The following SMCHD1 variants were observed in gnomAD, a reference collection of about 807,000 sequenced individuals.
The protein encoded by SMCHD1 is structural maintenance of chromosomes flexible hinge domain containing 1.
A neutral mutation model predicts 254.7 loss-of-function variants in SMCHD1; 78 were observed. The observed-to-expected ratio is 0.31, with a 90% CI of 0.26 to 0.37. The LOEUF (loss-of-function observed/expected upper bound fraction) is 0.37, where lower values mean the gene tolerates loss of function less well. Ranked by LOEUF, SMCHD1 falls within the 10% of genes least tolerant of loss-of-function variation. The pLI is 1.00. For synonymous variants in SMCHD1, 766 were observed against 794.9 expected (o/e 0.96, Z 0.61); for missense variants, 1,840 against 2,408.1 (o/e 0.76, Z 4.94).
intron 25 of SMCHD1, among the ~76,000 whole-genome samples, chr18:2,737,234 G>A (rs1308995524): frequency 6.6e-6 from 1 of 151,972 alleles, no homozygotes; most frequent in Admixed American, 6.6e-5. Flanking sequence ...AAAAGGGGAG[G>A]GTAATAGAGG....
At chr18:2,783,242 A>G (rs1487360618) in intron 44 of SMCHD1, among the ~76,000 whole-genome samples, 3 of 152,082 alleles carry the variant, frequency 2.0e-5, no homozygotes, top group Admixed American at 6.6e-5. Context: ...ATCTGTTACT[A>G]TTTTTTCCTG....
intron 17 of SMCHD1, among the ~76,000 whole-genome samples, chr18:2,710,091 TA>T (rs1243378358): frequency 5.9e-5 from 9 of 152,222 alleles, no homozygotes; most frequent in African/African-American, 2.2e-4. Flanking sequence ...AACTTCTTTT[TA>T]TATGGAAAAC....
At chr18:2,784,973 G>C (rs986405237) in intron 45 of SMCHD1, 12 of 366,300 alleles carry the variant, frequency 3.3e-5, no homozygotes, top group Non-Finnish European at 5.7e-5. Flanking sequence ...AGAAATTTCT[G>C]TCATTATTGA....
chr18:2,726,118 A>G (rs1453051542), intron 21 of SMCHD1, among the ~76,000 whole-genome samples: 1 of 151,900 alleles, frequency 6.6e-6, no homozygotes, highest in East Asian at 1.9e-4. Context: ...GTTTTATAAT[A>G]TCTATCTTGA....
chr18:2,678,542 C>T (rs1183634947), intron 5 of SMCHD1, among the ~76,000 whole-genome samples: 5 of 152,134 alleles, frequency 3.3e-5, no homozygotes, highest in African/African-American at 1.2e-4. Flanking sequence ...GTCTCGAACT[C>T]CTGACCTTAG....
Position 2,775,788 on chromosome 18 carries a change from C to G in SMCHD1, c.5230C>G (p.His1744Asp). Residue 1744 changes from histidine (H) to aspartate (D), a missense_variant, in exon 42 of 48, where the codon CAT (histidine) becomes GAT (aspartate). Physicochemically the swap from His to Asp is moderately conservative, Grantham distance 81 (BLOSUM62 -1). This residue lies in a region of SMCHD1 where 114 missense variants were observed against 217.6 expected (regional missense o/e 0.52). Transcript: ENST00000320876. The part of the protein sequence containing the change: ...DDRAAMVISW[H>D]LASDMDCVVT... Reference sequence around the variant, plus strand: ...TAGAGCTGCGATGGTTATTTCTTGGCATCTGGCAAGTGACATGGACTGTGT... The same window carrying G: ...TAGAGCTGCGATGGTTATTTCTTGGGATCTGGCAAGTGACATGGACTGTGT... 6.2e-7 allele frequency: 1 copy of G among 1,613,530 alleles called. No homozygotes were observed. The highest frequency in any genetic ancestry group is 8.5e-7 in the Non-Finnish European group (1 of 1,179,694).
intron 1 of SMCHD1, among the ~76,000 whole-genome samples, chr18:2,665,866 T>A (rs1257889480): frequency 6.6e-6 from 1 of 152,182 alleles, no homozygotes; most frequent in Non-Finnish European, 1.5e-5. Context: ...TCTGGGTGGG[T>A]CCTGCTGATG....
intron 5 of SMCHD1, among the ~76,000 whole-genome samples, chr18:2,677,476 A>G (rs1383245168): frequency 5.9e-5 from 9 of 152,190 alleles, no homozygotes; most frequent in African/African-American, 1.9e-4. Context: ...TAAAATTCAC[A>G]GTATTAAAGC....
chr18:2,688,589 A>G, intron 6 of SMCHD1, 39 bp from the exon 7 acceptor site: 1 of 1,576,322 alleles, frequency 6.3e-7, no homozygotes, highest in Non-Finnish European at 8.6e-7. Context: ...TAACCAGTTT[A>G]TTAGGAATTT....
intron 37 of SMCHD1, among the ~76,000 whole-genome samples, chr18:2,765,996 G>GTTTTCTTTTTTTTTTTTTTTTTTTTT (rs377381607): frequency 7.1e-6 from 1 of 140,680 alleles, no homozygotes; most frequent in Non-Finnish European, 1.6e-5. Context: ...GCTATGTCCA[G>GTTTTCTTTTTTTTTTTTTTTTTTTTT]TTTTCTTTTT....
At chr18:2,798,426 A>T (rs1255383771) in intron 47 of SMCHD1, among the ~76,000 whole-genome samples, 1 of 152,196 alleles carries the variant, frequency 6.6e-6, no homozygotes, top group Non-Finnish European at 1.5e-5. Context: ...TTTAGAAATT[A>T]TGAGTTCAAA....
At chr18:2,748,342 T>TGTGTGTG (rs2075498296) in intron 30 of SMCHD1, among the ~76,000 whole-genome samples, 1 of 78,426 alleles carries the variant, frequency 1.3e-5, no homozygotes, top group Non-Finnish European at 2.5e-5. Context: ...CTTTGCAAAG[T>TGTGTGTG]TGTGTGTGTG....
At chr18:2,736,479 A>G (rs575319258) in intron 25 of SMCHD1, among the ~76,000 whole-genome samples, 7 of 152,210 alleles carry the variant, frequency 4.6e-5, no homozygotes, top group Non-Finnish European at 1.0e-4. Context: ...AGCCTACAGA[A>G]TGGTAAAAAA....
At chr18:2,714,848 C>T (rs1469434685) in intron 17 of SMCHD1, among the ~76,000 whole-genome samples, 3 of 151,992 alleles carry the variant, frequency 2.0e-5, no homozygotes, top group African/African-American at 7.2e-5. Flanking sequence ...GACAGTCCCC[C>T]CTGCCCCCTA....
intron 5 of SMCHD1, among the ~76,000 whole-genome samples, chr18:2,684,122 A>G (rs994377520): frequency 6.6e-6 from 1 of 152,184 alleles, no homozygotes; most frequent in African/African-American, 2.4e-5. Flanking sequence ...CAGCAAGACT[A>G]TCTTTGGAGT....
chr18:2,758,073 T>G (rs12458120), intron 34 of SMCHD1, among the ~76,000 whole-genome samples: 45,358 of 151,830 alleles, frequency 0.3, 6,956 homozygotes, highest in East Asian at 0.5. Context: ...TAGATAGATA[T>G]ATTCTTTTAA....
At chr18:2,668,599 A>G (rs796856530) in intron 3 of SMCHD1, among the ~76,000 whole-genome samples, 47 of 152,306 alleles carry the variant, frequency 3.1e-4, no homozygotes, top group African/African-American at 1.1e-3. Flanking sequence ...TCTTAAAAAC[A>G]CTAAAGTCTT....
In SMCHD1 at chr18:2,782,037, A is replaced by G. The variant is rs1406615246; in HGVS notation, c.5548-2413A>G. Among the ~76,000 whole-genome samples, 4 of 152,240 alleles carry G rather than the reference A, an allele frequency of 2.6e-5. No individual in the cohort carries two copies. The South Asian group carries it at 6.2e-4, about 24-fold the overall frequency. ...GTAGCACATACGTGACAAAAAAGGAATAGAATTTGTTCTTCATAATTGATA... is the reference window on the plus strand; with the variant it reads ...GTAGCACATACGTGACAAAAAAGGAGTAGAATTTGTTCTTCATAATTGATA... On this transcript the variant is annotated intron_variant, in intron 44 of 47. Coordinates refer to ENST00000320876, the MANE Select transcript of SMCHD1 (RefSeq NM_015295.3).
At chr18:2,783,510 A>G (rs1324975931) in intron 44 of SMCHD1, among the ~76,000 whole-genome samples, 2 of 151,908 alleles carry the variant, frequency 1.3e-5, no homozygotes, top group South Asian at 2.1e-4. Flanking sequence ...TTGCAAGAAC[A>G]TTCTTCTAGA....
Sources: gnomAD v4.1 joint callset for allele counts (sites outside exome capture counted in the v4.1 genomes callset) on GRCh38, gnomAD v4.1.1 for gene constraint, gnomAD v4.1.1 regional missense constraint, MANE v1.5 for transcripts, NCBI Gene and HGNC (gene_info 2026-07-23, HGNC 2026-07-21) for gene names.